ZNF536: variants seen among roughly 807,000 people sequenced by gnomAD.
ZNF536 encodes the protein zinc finger protein 536.
In ZNF536, 13 loss-of-function variants were observed where a neutral mutation model predicts 84.5. The ratio of observed to expected loss-of-function variants is 0.15; its 90% CI spans 0.10 to 0.24. The LOEUF (loss-of-function observed/expected upper bound fraction) is 0.24. ZNF536 is among the 10% of genes least tolerant of loss of function. ZNF536 has a pLI of 1.00. For missense variants in ZNF536, 1,536 were observed against 1,747.5 expected (o/e 0.88, Z 2.16); for synonymous variants, 811 against 742.5 (o/e 1.09, Z -1.50).
At chr19:30,617,333 CTTTTTTTTTTTTTTTTTTT>C (rs556835599) in intron 1 of ZNF536, among the ~76,000 whole-genome samples, 1 of 37,710 alleles carries the variant, frequency 2.7e-5, no homozygotes. Context: ...GAATAGCTTA[CTTTTTTTTTTTTTTTTTTT>C]TTTTTTTTTT....
intron 1 of ZNF536, among the ~76,000 whole-genome samples, chr19:30,421,795 C>T (rs763895339): frequency 1.3e-5 from 2 of 152,224 alleles, no homozygotes; most frequent in Non-Finnish European, 2.9e-5. Flanking sequence ...TCTTTAACAC[C>T]TTCTACCTCT....
At chr19:30,689,853 T>G (rs1196700562) in intron 1 of ZNF536, among the ~76,000 whole-genome samples, 1 of 152,258 alleles carries the variant, frequency 6.6e-6, no homozygotes. Context: ...GGCTTGTTCC[T>G]GAAGGCTGCA....
At chr19:30,647,886 C>T (rs568220467) in intron 1 of ZNF536, among the ~76,000 whole-genome samples, 46 of 152,330 alleles carry the variant, frequency 3.0e-4, no homozygotes, top group Non-Finnish European at 1.6e-4. Flanking sequence ...ACAACCGGTA[C>T]AAGAGGGACC....
At chr19:30,662,975 T>G (rs1276436158) in intron 1 of ZNF536, among the ~76,000 whole-genome samples, 1 of 148,974 alleles carries the variant, frequency 6.7e-6, no homozygotes, top group African/African-American at 2.5e-5. Flanking sequence ...TTTTTTTTTT[T>G]TTTTTTTTTT....
intron 3 of ZNF536, among the ~76,000 whole-genome samples, chr19:30,355,632 G>T (rs1299378635): frequency 1.3e-5 from 2 of 152,042 alleles, no homozygotes; most frequent in African/African-American, 4.8e-5. Flanking sequence ...TTAAACCAGG[G>T]GTCCCCAGCC....
intron 2 of ZNF536, among the ~76,000 whole-genome samples, chr19:30,446,537 C>G (rs7249790): frequency 0.51 from 77,132 of 151,674 alleles, 20,764 homozygotes; most frequent in Non-Finnish European, 0.6. Flanking sequence ...ACCGCAGTCT[C>G]CCTCCCCAAG....
At chr19:30,564,962 G>A (rs1039040307) in intron 1 of ZNF536, among the ~76,000 whole-genome samples, 2 of 152,280 alleles carry the variant, frequency 1.3e-5, no homozygotes, top group Middle Eastern at 3.4e-3. Context: ...TGTGGCTGCA[G>A]GGCTGTGATT....
At chr19:30,396,399 G>T (rs1289440749) in intron 1 of ZNF536, among the ~76,000 whole-genome samples, 2 of 152,262 alleles carry the variant, frequency 1.3e-5, no homozygotes, top group South Asian at 4.1e-4. Context: ...CTGGGAATTT[G>T]GGGTTTACTT....
intron 2 of ZNF536, among the ~76,000 whole-genome samples, chr19:30,461,668 A>G (rs720805): frequency 0.31 from 46,536 of 152,176 alleles, 8,143 homozygotes; most frequent in African/African-American, 0.49. Flanking sequence ...ATGGGCTGGC[A>G]GACAGGCCAG....
intron 2 of ZNF536, among the ~76,000 whole-genome samples, chr19:30,297,816 G>A (rs1362702195): frequency 1.3e-5 from 2 of 151,916 alleles, no homozygotes; most frequent in Non-Finnish European, 2.9e-5. Context: ...CAGGCAGCAG[G>A]AGCCCCCTGG....
intron 1 of ZNF536, among the ~76,000 whole-genome samples, chr19:30,425,118 A>T (rs1484190729): frequency 6.6e-6 from 1 of 152,074 alleles, no homozygotes; most frequent in Non-Finnish European, 1.5e-5. Flanking sequence ...GTGAGGGATA[A>T]AAGAGTACAC....
At chr19:30,632,227 G>A (rs753416393) in intron 1 of ZNF536, among the ~76,000 whole-genome samples, 4 of 152,316 alleles carry the variant, frequency 2.6e-5, no homozygotes, top group Admixed American at 6.5e-5. Flanking sequence ...TGCTGGGGAC[G>A]CATTTTCTGT....
At position 30,698,956 on chromosome 19, in the gene ZNF536, T is replaced by C. The variant is rs190964011; in HGVS notation, c.170-11801T>C. ...TTATTGATGCAATCATTTATGCCAG[T>C]ATGATTTGTGGATATTTATTTTAGA... On this transcript the variant is annotated intron_variant, in intron 1 of 1. Transcript: ENST00000592773. Among the ~76,000 whole-genome samples the C allele has an allele frequency of 1.1e-3, 173 of 152,350 alleles. 1 individual carries two copies. The highest frequency in any genetic ancestry group is 0.011 in the Admixed American group (171 of 15,306).
intron 1 of ZNF536, among the ~76,000 whole-genome samples, chr19:30,264,150 G>A (rs765660911): frequency 3.9e-5 from 6 of 152,186 alleles, no homozygotes; most frequent in Admixed American, 6.5e-5. Context: ...CAATGAAGCC[G>A]GCTGGTGAAA....
At chr19:30,363,646 G>C (rs1042053525) in intron 3 of ZNF536, among the ~76,000 whole-genome samples, 4 of 152,092 alleles carry the variant, frequency 2.6e-5, no homozygotes, top group Non-Finnish European at 5.9e-5. Context: ...TCTCAGGCGA[G>C]ATGGAGAGAT....
At chr19:30,326,814 T>TTTTTTTTTTTTTTTTTTTTTTTTTTG (rs2047053301) in intron 2 of ZNF536, among the ~76,000 whole-genome samples, 2 of 139,962 alleles carry the variant, frequency 1.4e-5, no homozygotes, top group Non-Finnish European at 3.1e-5. Context: ...TTTTTTTTTT[T>TTTTTTTTTTTTTTTTTTTTTTTTTTG]TTTTGTTTTC....
intron 3 of ZNF536, among the ~76,000 whole-genome samples, chr19:30,361,984 A>T (rs2048289295): frequency 6.6e-6 from 1 of 152,128 alleles, no homozygotes; most frequent in Non-Finnish European, 1.5e-5. Flanking sequence ...CCACCAACTA[A>T]AAAAGGAGGC....
At chr19:30,490,763 C>A (rs1429649227) in intron 2 of ZNF536, among the ~76,000 whole-genome samples, 1 of 152,100 alleles carries the variant, frequency 6.6e-6, no homozygotes, top group African/African-American at 2.4e-5. Context: ...TCGGGATTGC[C>A]CACGAAAGAG....
intron 1 of ZNF536, among the ~76,000 whole-genome samples, chr19:30,613,813 G>A (rs1410834556): frequency 6.6e-6 from 1 of 151,852 alleles, no homozygotes; most frequent in Non-Finnish European, 1.5e-5. Context: ...TTTAAGCACA[G>A]ATTGAAACAC....
Sources: allele counts gnomAD v4.1 joint callset (sites outside exome capture counted in the v4.1 genomes callset), GRCh38; gene constraint gnomAD v4.1.1; transcripts MANE v1.5; gene names NCBI Gene and HGNC (gene_info 2026-07-23, HGNC 2026-07-21).